COP1: variants seen among roughly 807,000 people sequenced by gnomAD.
The protein encoded by COP1 is E3 ubiquitin-protein ligase COP1.
In COP1, 24 loss-of-function variants were observed where a neutral mutation model predicts 101.3. The observed-to-expected ratio is 0.24, with a 90% CI of 0.17 to 0.33. The LOEUF (loss-of-function observed/expected upper bound fraction) is 0.33, where lower values mean the gene tolerates loss of function less well. Among genes scored for constraint, COP1 ranks in the 10% least tolerant of loss-of-function variants. The probability of loss-of-function intolerance (pLI) is 1.00; values close to 1 mark genes in which losing one functional copy is unlikely to be tolerated. For missense variants in COP1, 663 were observed against 906.2 expected, an observed-to-expected ratio of 0.73 and a Z score of 3.45; for synonymous variants, 347 against 341.9, an observed-to-expected ratio of 1.01 and a Z score of -0.17.
chr1:175,951,940 A>G (rs1354491727), intron 18 of COP1, among the ~76,000 whole-genome samples: 2 of 152,244 alleles, frequency 1.3e-5, no homozygotes, highest in Non-Finnish European at 2.9e-5. Context: ...AAGAAGCTTA[A>G]CAATTTCTGG....
chr1:175,950,651 C>T (rs1649774810), intron 18 of COP1, among the ~76,000 whole-genome samples: 1 of 152,102 alleles, frequency 6.6e-6, no homozygotes, highest in South Asian at 2.1e-4. Flanking sequence ...TTATTATTTT[C>T]TCCCTCTTTT....
Position 176,050,650 on chromosome 1 carries a change from A to T in COP1, c.1278-4326T>A, listed in dbSNP as rs146876912. 3.5e-3 allele frequency among the ~76,000 whole-genome samples: 540 copies of T among 152,318 alleles called. 2 individuals carry two copies. Among genetic ancestry groups the T allele is most frequent in the Middle Eastern group, 0.014 (4 of 294 alleles). ...AGATCTTTAAAAAAATACAAACACAAGTAAAGTAAATTAAGAATTGATGTT... is the reference window on the plus strand; with the variant it reads ...AGATCTTTAAAAAAATACAAACACATGTAAAGTAAATTAAGAATTGATGTT... On this transcript the variant is annotated intron_variant, in intron 11 of 19. Transcript: ENST00000367669.
chr1:176,108,851 T>G (rs1684790936), intron 9 of COP1, among the ~76,000 whole-genome samples: 1 of 152,170 alleles, frequency 6.6e-6, no homozygotes. Context: ...CGGTGGCTCA[T>G]GCCTCTAATC....
intron 8 of COP1, among the ~76,000 whole-genome samples, chr1:176,125,187 T>C (rs1307143584): frequency 6.6e-6 from 1 of 152,200 alleles, no homozygotes; most frequent in Non-Finnish European, 1.5e-5. Context: ...CTGCAAATAT[T>C]TTCTCCAATT....
Position 176,207,270 on chromosome 1 carries a change from T to TGCGCGC in COP1, c.-298_-293dup, listed in dbSNP as rs3833529. ...AACCCCGGCGCGCCGTGGCCGGCCGTGCGCGCGCGCGCGAGCGGCGGAAGA... is the reference window on the plus strand; with the variant it reads ...AACCCCGGCGCGCCGTGGCCGGCCGTGCGCGCGCGCGCGCGCGCGAGCGGCGGAAGA... On this transcript the variant is annotated 5_prime_UTR_variant, in exon 1 of 20. Transcript: ENST00000367669. The TGCGCGC allele has an allele frequency of 5.2e-6, 2 of 381,880 alleles. No individual in the cohort carries two copies. Among genetic ancestry groups the TGCGCGC allele is most frequent in the South Asian group, 1.3e-4 (1 of 7,772 alleles). 23.7% of individuals were successfully genotyped at this position (381,880 alleles called of 1,614,324 possible). A position where few individuals can be genotyped will look rare whatever the true frequency, so the allele number is the denominator to read the frequency against.
intron 18 of COP1, among the ~76,000 whole-genome samples, chr1:175,971,612 A>T (rs1345828937): frequency 2.0e-5 from 3 of 152,132 alleles, no homozygotes; most frequent in Non-Finnish European, 4.4e-5. Context: ...CCACTCTCCA[A>T]TACCTTGCCC....
rs1694067261 is a variant in COP1 at position 176,160,068 on chromosome 1, A to G, written c.762+2801T>C. ...ATCTATGACAGGAACTTTGCTTCTG[A>G]GGTGGCTCCCTCTTCAGAAAATAAT... On this transcript the variant is annotated intron_variant, in intron 5 of 19. Transcript: ENST00000367669. Among the ~76,000 whole-genome samples, 4 of 152,128 alleles carry G rather than the reference A, an allele frequency of 2.6e-5. 1 individual carries two copies. The South Asian group carries it at 8.3e-4, about 32-fold the overall frequency.
At chr1:176,051,034 G>A (rs1672462036) in intron 11 of COP1, among the ~76,000 whole-genome samples, 1 of 152,110 alleles carries the variant, frequency 6.6e-6, no homozygotes, top group African/African-American at 2.4e-5. Context: ...AATTCAGCCT[G>A]TGCAACAATT....
At chr1:176,145,012 ACT>A (rs1281287844) in intron 6 of COP1, among the ~76,000 whole-genome samples, 1 of 152,094 alleles carries the variant, frequency 6.6e-6, no homozygotes, top group African/African-American at 2.4e-5. Flanking sequence ...GATAAATTTC[ACT>A]CTATTAATAT....
intron 11 of COP1, among the ~76,000 whole-genome samples, chr1:176,073,925 C>T (rs534595073): frequency 1.3e-5 from 2 of 152,248 alleles, no homozygotes; most frequent in African/African-American, 4.8e-5. Context: ...CATTATCTGC[C>T]TTCTCAAATA....
chr1:176,070,584 C>T (rs1572054212), intron 11 of COP1, among the ~76,000 whole-genome samples: 2 of 152,090 alleles, frequency 1.3e-5, no homozygotes, highest in South Asian at 2.1e-4. Context: ...ATCACTTGAA[C>T]TCAGAAGGCA....
At chr1:176,125,068 T>A (rs192160595) in intron 8 of COP1, among the ~76,000 whole-genome samples, 163 of 151,386 alleles carry the variant, frequency 1.1e-3, no homozygotes, top group African/African-American at 3.8e-3. Context: ...TCTTGAGAAA[T>A]GTCTAATCTT....
Position 176,087,303 on chromosome 1 carries a change from T to C in COP1, c.1027-1413A>G, listed in dbSNP as rs543345523. Among the ~76,000 whole-genome samples the C allele has an allele frequency of 1.7e-3, 256 of 152,232 alleles. 1 individual carries two copies. The highest frequency in any genetic ancestry group is 5.9e-3 in the African/African-American group (245 of 41,554). ...AGCTTCTGCAAAGCAAAAGAAACTA[T>C]CATCAGAGTGAACAGGCAACCTACA... On this transcript the variant is annotated intron_variant, in intron 9 of 19. Transcript: ENST00000367669.
intron 9 of COP1, among the ~76,000 whole-genome samples, chr1:176,107,194 T>C (rs898932001): frequency 6.6e-6 from 1 of 152,170 alleles, no homozygotes; most frequent in Non-Finnish European, 1.5e-5. Flanking sequence ...TGGATATAAA[T>C]ATATAACAAT....
chr1:176,054,817 T>C (rs578205100), intron 11 of COP1, among the ~76,000 whole-genome samples: 14 of 152,304 alleles, frequency 9.2e-5, no homozygotes, highest in African/African-American at 3.4e-4. Context: ...TATTCCTATA[T>C]CTATTTTAGC....
Position 176,116,695 on chromosome 1 carries a change from A to AG in COP1, c.969-15dup, listed in dbSNP as rs1686240537. On this transcript the variant is annotated splice_polypyrimidine_tract_variant and intron_variant, in intron 8 of 19. Coordinates refer to ENST00000367669, the MANE Select transcript of COP1 (RefSeq NM_022457.7). ...TCAATAATACTACTGCAAAATGAAG[A>AG]GAAAAAAATGTGATTTCAGTATTTA... 1 of 1,591,750 alleles carries AG rather than the reference A, an allele frequency of 6.3e-7. No homozygotes were observed. Among genetic ancestry groups the AG allele is most frequent in the African/African-American group, 1.3e-5 (1 of 74,390 alleles).
chr1:176,109,798 G>A (rs907045110), intron 9 of COP1, among the ~76,000 whole-genome samples: 1 of 152,094 alleles, frequency 6.6e-6, no homozygotes, highest in Non-Finnish European at 1.5e-5. Flanking sequence ...TCAGTATCAT[G>A]ATAATAGCTA....
Position 176,025,110 on chromosome 1 carries a change from T to C in COP1, c.1729+2462A>G, listed in dbSNP as rs12034368. ...AGCACCAATTGGTGCTAAAAGGTAC[T>C]TGATAAAATACTGTTTTGCTTCTAA... On this transcript the variant is annotated intron_variant, in intron 15 of 19. Coordinates refer to ENST00000367669, the MANE Select transcript of COP1 (RefSeq NM_022457.7). Among the ~76,000 whole-genome samples the C allele has an allele frequency of 1.5e-4, 23 of 152,290 alleles. No homozygotes were observed. In the East Asian group the frequency reaches 4.2e-3, roughly 28 times the overall value.
In COP1 at chr1:175,944,995, G is replaced by A. The variant is rs1263136050; in HGVS notation, c.*158C>T. 7.7e-6 allele frequency: 5 copies of A among 648,240 alleles called. No individual in the cohort carries two copies. The highest frequency in any genetic ancestry group is 1.4e-5 in the Non-Finnish European group (5 of 370,282). 40.2% of individuals were successfully genotyped at this position (648,240 alleles called of 1,614,324 possible). ...TTCCCAATGTCCCAAAGGTCATAAA[G>A]GAGGGAAAAGAAAAAAAGAAAAAAA... On this transcript the variant is annotated 3_prime_UTR_variant, in exon 20 of 20. Coordinates refer to ENST00000367669, the MANE Select transcript of COP1 (RefSeq NM_022457.7).
Sources: allele counts gnomAD v4.1 joint callset (sites outside exome capture counted in the v4.1 genomes callset), GRCh38; gene constraint gnomAD v4.1.1; transcripts MANE v1.5; gene names NCBI Gene and HGNC (gene_info 2026-07-23, HGNC 2026-07-21).